Variants in SHROOM4 observed in about 807,000 individuals in gnomAD.
SHROOM4 encodes shroom family member 4.
SHROOM4 carries 17 observed loss-of-function variants against 80.3 expected under a neutral mutation model. That is an observed-to-expected ratio of 0.21 (90% CI 0.14 to 0.32). SHROOM4 has a LOEUF of 0.32. Among genes scored for constraint, SHROOM4 ranks in the 10% least tolerant of loss-of-function variants. SHROOM4 has a pLI of 1.00. For synonymous variants in SHROOM4, 400 were observed against 437.5 expected (o/e 0.91, Z 1.07); for missense variants, 993 against 1,140.3 (o/e 0.87, Z 1.86).
At chrX:50,718,996 T>C (rs1557265198) in intron 1 of SHROOM4, among the ~76,000 whole-genome samples, 1 of 111,780 alleles carries the variant, frequency 8.9e-6, no homozygotes, top group Non-Finnish European at 1.9e-5. Flanking sequence ...AAAAATTCAT[T>C]CAAATACTGA....
At chrX:50,638,052 C>T in intron 3 of SHROOM4, 122 bp downstream of exon 3, 1 of 907,277 alleles carries the variant, frequency 1.1e-6, no homozygotes. Flanking sequence ...CTCTGGACTC[C>T]CACTTGCTTT....
At chrX:50,741,302 G>A (rs1379466746) in intron 1 of SHROOM4, among the ~76,000 whole-genome samples, 3 of 110,750 alleles carry the variant, frequency 2.7e-5, no homozygotes, top group Non-Finnish European at 5.7e-5. Flanking sequence ...GAAGAGCGGG[G>A]AAAGGGGCAA....
chrX:50,733,503 T>C (rs1934416124), intron 1 of SHROOM4, among the ~76,000 whole-genome samples: 2 of 111,696 alleles, frequency 1.8e-5, no homozygotes, highest in Non-Finnish European at 3.8e-5. Flanking sequence ...ATGCCCTCTC[T>C]TTGCCCTTCC....
At chrX:50,767,323 A>T (rs1935298583) in intron 1 of SHROOM4, among the ~76,000 whole-genome samples, 1 of 111,991 alleles carries the variant, frequency 8.9e-6, no homozygotes, top group African/African-American at 3.2e-5. Flanking sequence ...ACACAATCTT[A>T]TATTTTCATG....
At chrX:50,799,620 G>C (rs1230248371) in intron 1 of SHROOM4, among the ~76,000 whole-genome samples, 1 of 112,074 alleles carries the variant, frequency 8.9e-6, no homozygotes, top group Non-Finnish European at 1.9e-5. Context: ...ATAAATACCA[G>C]ACAGTGACTC....
At chrX:50,622,237 G>T (rs1256596313) in intron 5 of SHROOM4, among the ~76,000 whole-genome samples, 1 of 111,328 alleles carries the variant, frequency 9.0e-6, no homozygotes, top group Non-Finnish European at 1.9e-5. Context: ...TCAGTAAAAC[G>T]GGAAAAATAA....
intron 2 of SHROOM4, among the ~76,000 whole-genome samples, chrX:50,641,154 C>A (rs1329821974): frequency 1.8e-5 from 2 of 111,919 alleles, no homozygotes; most frequent in Non-Finnish European, 3.8e-5. Flanking sequence ...ATCTAGCCCT[C>A]ACAATTGGGT....
Position 50,633,787 on chromosome X carries a change from C to A in SHROOM4, c.2286G>T (p.Gly762=), listed in dbSNP as rs782217811. 2.5e-6 allele frequency: 3 copies of A among 1,210,740 alleles called. No homozygotes were observed. The highest frequency in any genetic ancestry group is 3.4e-6 in the Non-Finnish European group (3 of 895,387). The part of the protein sequence containing the change: ...KELKASTAQA[G]EDAILLPFAD... ...CAAAAGGCAAGAGGATGGCATCCTC[C>A]CCAGCTTGAGCAGTAGAAGCCTTCA... Residue 762 remains glycine, a synonymous_variant, in exon 4 of 9, where the codon GGG becomes GGT. Transcript: ENST00000376020.
At chrX:50,707,544 C>T (rs1160416619) in intron 1 of SHROOM4, among the ~76,000 whole-genome samples, 1 of 111,353 alleles carries the variant, frequency 9.0e-6, no homozygotes, top group Non-Finnish European at 1.9e-5. Context: ...TGGAATTACA[C>T]AGAGTTTAAT....
At position 50,595,645 on chromosome X, in the gene SHROOM4, C is replaced by G. The variant is rs781970712; in HGVS notation, c.*1050G>C. 9.8e-5 allele frequency: 25 copies of G among 253,878 alleles called. 1 individual carries two copies. Among genetic ancestry groups the G allele is most frequent in the Middle Eastern group, 1.4e-3 (1 of 716 alleles). 20.9% of individuals were successfully genotyped at this position (253,878 alleles called of 1,213,427 possible). ...CTGAGTTCAAGGGGAAAACTCCTTC[C>G]TAGACATCGGTAGCTATGGTGGGAA... On this transcript the variant is annotated 3_prime_UTR_variant, in exon 9 of 9. Coordinates refer to ENST00000376020, the MANE Select transcript of SHROOM4 (RefSeq NM_020717.5).
In SHROOM4 at chrX:50,725,493, C is replaced by G. The variant is rs369986410; in HGVS notation, c.118-29556G>C. On this transcript the variant is annotated intron_variant, in intron 1 of 8. Coordinates refer to ENST00000376020, the MANE Select transcript of SHROOM4 (RefSeq NM_020717.5). Reference sequence around the variant, plus strand: ...CTGTGTTCCCACCCAAATCCCATCTCAAATTGTAATCCCCACGTGTTAAGG... The same window carrying G: ...CTGTGTTCCCACCCAAATCCCATCTGAAATTGTAATCCCCACGTGTTAAGG... Among the ~76,000 whole-genome samples, 14 of 112,447 alleles carry G rather than the reference C, an allele frequency of 1.2e-4. No homozygotes were observed. In the East Asian group the frequency reaches 3.7e-3, roughly 29 times the overall value.
chrX:50,582,847 C>T (rs1557244410), downstream of SHROOM4, among the ~76,000 whole-genome samples: 8 of 110,921 alleles, frequency 7.2e-5, no homozygotes, highest in East Asian at 2.8e-4. Flanking sequence ...ATAATATTCT[C>T]CCTAAGGTTA....
intron 2 of SHROOM4, among the ~76,000 whole-genome samples, chrX:50,675,598 T>C: frequency 9.0e-6 from 1 of 111,014 alleles, no homozygotes; most frequent in African/African-American, 3.3e-5. Flanking sequence ...TTGGCAAAAA[T>C]GTCCTCCAGA....
intron 1 of SHROOM4, among the ~76,000 whole-genome samples, chrX:50,761,723 T>A (rs1447405620): frequency 9.0e-6 from 1 of 110,887 alleles, no homozygotes; most frequent in Non-Finnish European, 1.9e-5. Flanking sequence ...CCACCACGCC[T>A]GGCTTTTTTG....
At chrX:50,618,306 T>C (rs1557251168) in intron 5 of SHROOM4, among the ~76,000 whole-genome samples, 7 of 323 alleles carry the variant, frequency 0.022, no homozygotes, top group African/African-American at 0.067. Context: ...CTTCCTTCCT[T>C]CCTTCCTTCC....
intron 1 of SHROOM4, among the ~76,000 whole-genome samples, chrX:50,726,007 C>G (rs1402743639): frequency 5.4e-5 from 6 of 111,769 alleles, no homozygotes; most frequent in African/African-American, 2.0e-4. Flanking sequence ...GTGTTATGGA[C>G]AATGAAGTCC....
chrX:50,812,353 C>T (rs1437929178), intron 1 of SHROOM4, among the ~76,000 whole-genome samples: 4 of 100,929 alleles, frequency 4.0e-5, no homozygotes, highest in Non-Finnish European at 8.0e-5. Flanking sequence ...ATATAACTTT[C>T]TCCAGAGAAC....
chrX:50,766,060 C>A (rs1935268757), intron 1 of SHROOM4, among the ~76,000 whole-genome samples: 1 of 111,329 alleles, frequency 9.0e-6, no homozygotes, highest in African/African-American at 3.3e-5. Context: ...GCCCCTAGGA[C>A]CCACCACAAG....
At position 50,634,832 on chromosome X, in the gene SHROOM4, T is replaced by G; in HGVS notation, c.1241A>C (p.Glu414Ala). ...CTGCAGGTGGGATGCCAGCAGCTGT[T>G]CAGGGGCACTATGGCGATGCCCTGT... The part of the protein sequence containing the change: ...GPTGHRHSAP[E>A]QLLASHLQHV... Residue 414 changes from glutamate (E) to alanine (A), a missense_variant, in exon 4 of 9, where the codon GAA (glutamate) becomes GCA (alanine). By Grantham distance (107) the Glu-to-Ala change is moderately radical. Transcript: ENST00000376020. 8.3e-7 allele frequency: 1 copy of G among 1,210,064 alleles called. No homozygotes were observed. Among genetic ancestry groups the G allele is most frequent in the Non-Finnish European group, 1.1e-6 (1 of 894,485 alleles).
Sources: gnomAD v4.1 joint callset for allele counts (sites outside exome capture counted in the v4.1 genomes callset) on GRCh38, gnomAD v4.1.1 for gene constraint, MANE v1.5 for transcripts, NCBI Gene and HGNC (gene_info 2026-07-23, HGNC 2026-07-21) for gene names.